SP110: variants seen among roughly 807,000 people sequenced by gnomAD.
The protein encoded by SP110 is interferon-induced protein 41, 30kD.
In SP110, 62 loss-of-function variants were observed where a neutral mutation model predicts 92.7. That is an observed-to-expected ratio of 0.67 (90% confidence interval 0.55 to 0.83). The LOEUF is 0.83. Ranked by LOEUF, SP110 falls within the 40% of genes least tolerant of loss-of-function variation. The probability of loss-of-function intolerance (pLI) is 0.00; values close to 1 mark genes in which losing one functional copy is unlikely to be tolerated. For missense variants in SP110, 793 were observed against 863.9 expected (o/e 0.92, Z 1.03); for synonymous variants, 273 against 305.3 (o/e 0.89, Z 1.10).
upstream of SP110, among the ~76,000 whole-genome samples, chr2:230,222,866 T>A: frequency 6.8e-6 from 1 of 147,776 alleles, no homozygotes. Context: ...TTTTTATCAA[T>A]GAAGGCACAT....
At chr2:230,225,590 G>A (rs766451470) in exon 1 of SP110, 28 of 557,766 alleles carry the variant, frequency 5.0e-5, no homozygotes, top group Non-Finnish European at 9.7e-6. Flanking sequence ...TCTTTCCTTG[G>A]CAGGAACAAG....
At chr2:230,203,807 T>C (rs1164927821) in intron 8 of SP110, 1 of 152,240 alleles carries the variant, frequency 6.6e-6, no homozygotes, top group Non-Finnish European at 1.5e-5. Flanking sequence ...TAAAATAATA[T>C]GACTCTTAAA....
chr2:230,179,402 G>A (rs547515330), intron 12 of SP110, among the ~76,000 whole-genome samples: 1 of 147,524 alleles, frequency 6.8e-6, no homozygotes, highest in East Asian at 2.1e-4. Flanking sequence ...GCATGGAGTG[G>A]CCAGCTCCAC....
intron 1 of SP110, among the ~76,000 whole-genome samples, chr2:230,217,500 A>T (rs1241511146): frequency 3.9e-5 from 6 of 152,228 alleles, no homozygotes; most frequent in Admixed American, 3.9e-4. Context: ...GGAAGGTATT[A>T]AAAGTAGCTA....
At position 230,166,413 on chromosome 2, in the gene SP110, A is replaced by C. The variant is rs1277051288; in HGVS notation, c.*2711T>G. Among the ~76,000 whole-genome samples, 1 of 152,214 alleles carries C rather than the reference A, an allele frequency of 6.6e-6. No individual in the cohort carries two copies. Among genetic ancestry groups the C allele is most frequent in the Non-Finnish European group, 1.5e-5 (1 of 68,038 alleles). On this transcript the variant is annotated 3_prime_UTR_variant, in exon 19 of 19. Transcript: ENST00000258381. ...TTCCAGAATATATTAAAAGGTAGAA[A>C]ATTTTACAAGTTATTTTACCGAGGT...
At chr2:230,178,306 C>T (rs992564118) in intron 12 of SP110, 51 bp from the exon 13 acceptor site, 2 of 1,053,552 alleles carry the variant, frequency 1.9e-6, no homozygotes, top group Admixed American at 3.7e-5. Flanking sequence ...ACTCCATCTT[C>T]CTTTTGAATT....
intron 12 of SP110, among the ~76,000 whole-genome samples, chr2:230,179,496 A>AGGGGGGGG (rs2042029561): frequency 5.3e-5 from 7 of 131,104 alleles, no homozygotes; most frequent in Admixed American, 7.9e-5. Flanking sequence ...GGCAGGGAGG[A>AGGGGGGGG]GTGGGGGTGG....
At chr2:230,183,977 C>G (rs2042243946) in intron 11 of SP110, among the ~76,000 whole-genome samples, 1 of 152,142 alleles carries the variant, frequency 6.6e-6, no homozygotes, top group African/African-American at 2.4e-5. Flanking sequence ...TGCCTGAAAC[C>G]ATGGGTAGTG....
At position 230,167,714 on chromosome 2, in the gene SP110, T is replaced by C. The variant is rs895201183; in HGVS notation, c.*1410A>G. Reference sequence around the variant, plus strand: ...GTGACTTGCTTTCACCAATAGATTGTGGCAGAAGTGACAGTGTGCAAGTAT... The same window carrying C: ...GTGACTTGCTTTCACCAATAGATTGCGGCAGAAGTGACAGTGTGCAAGTAT... On this transcript the variant is annotated 3_prime_UTR_variant, in exon 19 of 19. Transcript: ENST00000258381. 6.6e-6 allele frequency: 1 copy of C among 152,186 alleles called. No individual in the cohort carries two copies. The highest frequency in any genetic ancestry group is 1.5e-5 in the Non-Finnish European group (1 of 68,034). The allele number at this position is 152,186 out of a possible 1,614,324, so 9.4% of individuals were successfully genotyped here.
upstream of SP110, among the ~76,000 whole-genome samples, chr2:230,224,397 G>A (rs182287021): frequency 4.9e-5 from 7 of 143,350 alleles, no homozygotes; most frequent in East Asian, 1.5e-3. Flanking sequence ...TCTAACAGAA[G>A]CCCAGCATAC....
rs377072276 is a variant in SP110 at position 230,202,500 on chromosome 2, T to C, written c.1048+79A>G. The C allele has an allele frequency of 4.1e-5, 56 of 1,364,958 alleles. 1 individual carries two copies. The African/African-American group carries it at 4.5e-4, about 11-fold the overall frequency. 84.6% of individuals were successfully genotyped at this position (1,364,958 alleles called of 1,614,324 possible). A position where few individuals can be genotyped will look rare whatever the true frequency, so the allele number is the denominator to read the frequency against. On this transcript the variant is annotated intron_variant, in intron 9 of 18. Coordinates refer to ENST00000258381, the MANE Select transcript of SP110 (RefSeq NM_080424.4). Reference sequence around the variant, plus strand: ...CCTTTTACTATTGACTTTACATATCTACTTAACTCTGTACCTGCTTCAGGA... The same window carrying C: ...CCTTTTACTATTGACTTTACATATCCACTTAACTCTGTACCTGCTTCAGGA...
At chr2:230,196,694 C>T in intron 10 of SP110, among the ~76,000 whole-genome samples, 1 of 148,926 alleles carries the variant, frequency 6.7e-6, no homozygotes, top group African/African-American at 2.5e-5. Flanking sequence ...CCTCCCTCCT[C>T]CCCGCACCCC....
chr2:230,182,408 T>A (rs1466989616), intron 12 of SP110, among the ~76,000 whole-genome samples: 1 of 152,122 alleles, frequency 6.6e-6, no homozygotes, highest in Non-Finnish European at 1.5e-5. Context: ...ATGGCACACA[T>A]TTACCTATGT....
chr2:230,202,859 A>T (rs2043319074), intron 8 of SP110, 131 bp from the exon 9 acceptor site: 1 of 845,348 alleles, frequency 1.2e-6, no homozygotes, highest in Non-Finnish European at 2.0e-6. Flanking sequence ...CCTGTACCTC[A>T]CTTTTCTCCT....
chr2:230,175,281 A>T lies in SP110; in HGVS notation c.1590+2257T>A, dbSNP rs189034336. 3.9e-3 allele frequency among the ~76,000 whole-genome samples: 599 copies of T among 152,204 alleles called. 3 individuals are homozygous for T. Among genetic ancestry groups the T allele is most frequent in the African/African-American group, 0.014 (577 of 41,528 alleles). On this transcript the variant is annotated intron_variant, in intron 14 of 18. Coordinates refer to ENST00000258381, the MANE Select transcript of SP110 (RefSeq NM_080424.4). ...GTCCTGAAGCTCTCCTGACCACAAA[A>T]CCATTTGGTGGCTTTCCATTGATTG...
At chr2:230,198,627 C>T (rs1242680216) in intron 10 of SP110, among the ~76,000 whole-genome samples, 1 of 152,020 alleles carries the variant, frequency 6.6e-6, no homozygotes, top group Non-Finnish European at 1.5e-5. Context: ...TGGAGTCTTG[C>T]TCTGTTGCCC....
At chr2:230,220,078 G>A (rs1055752958), upstream of SP110, 14 of 985,566 alleles carry the variant, frequency 1.4e-5, no homozygotes, top group Non-Finnish European at 1.7e-5. Flanking sequence ...GCAGGTCGGT[G>A]CCTGCAGCCT....
upstream of SP110, among the ~76,000 whole-genome samples, chr2:230,221,491 C>T (rs184800560): frequency 6.6e-6 from 1 of 152,076 alleles, no homozygotes. Flanking sequence ...ATATCCCACC[C>T]TAGTATGTAC....
Position 230,172,839 on chromosome 2 carries a change from C to T in SP110, c.1706+5G>A, listed in dbSNP as rs1296774131. 1 of 1,600,330 alleles carries T rather than the reference C, an allele frequency of 6.2e-7. No homozygotes were observed. The highest frequency in any genetic ancestry group is 2.2e-5 in the East Asian group (1 of 44,814). ...GTGCCCGAGGCGGGGCTGCATCCCA[C>T]TCACCTCTTGGCTTCCACAGGGGGG... is the stretch of plus-strand genomic sequence containing the variant. On this transcript the variant is annotated splice_donor_5th_base_variant and intron_variant, in intron 15 of 18. Transcript: ENST00000258381.
Sources: allele counts gnomAD v4.1 joint callset (sites outside exome capture counted in the v4.1 genomes callset), GRCh38; gene constraint gnomAD v4.1.1; transcripts MANE v1.5; gene names NCBI Gene and HGNC (gene_info 2026-07-23, HGNC 2026-07-21).